DCLK1: variants seen among roughly 807,000 people sequenced by gnomAD.
The protein encoded by DCLK1 is serine/threonine-protein kinase DCLK1.
In DCLK1, 16 loss-of-function variants were observed where a neutral mutation model predicts 86.2. The ratio of observed to expected loss-of-function variants is 0.19; its 90% CI spans 0.13 to 0.28. The LOEUF (loss-of-function observed/expected upper bound fraction) is 0.28, where lower values mean the gene tolerates loss of function less well. DCLK1 is among the 10% of genes least tolerant of loss of function. The pLI is 1.00. For synonymous variants in DCLK1, 369 were observed against 370.5 expected (o/e 1.00, Z 0.05); for missense variants, 590 against 940.2 (o/e 0.63, Z 4.87).
At chr13:35,901,348 G>A (rs1045608404) in intron 4 of DCLK1, among the ~76,000 whole-genome samples, 3 of 151,908 alleles carry the variant, frequency 2.0e-5, no homozygotes, top group African/African-American at 7.3e-5. Flanking sequence ...AAATTAGCTG[G>A]GTATGGTGGC....
At chr13:36,023,292 G>A (rs1387860048) in intron 3 of DCLK1, among the ~76,000 whole-genome samples, 2 of 152,186 alleles carry the variant, frequency 1.3e-5, no homozygotes, top group Admixed American at 6.5e-5. Context: ...GGGCTGGCAG[G>A]CAGAGACCCT....
intron 3 of DCLK1, among the ~76,000 whole-genome samples, chr13:36,067,426 G>A (rs1333769091): frequency 9.5e-6 from 1 of 105,118 alleles, no homozygotes; most frequent in African/African-American, 3.6e-5. Flanking sequence ...GGGGAGGGGG[G>A]AGGGATAGCA....
intron 3 of DCLK1, among the ~76,000 whole-genome samples, chr13:36,015,077 G>A (rs140737477): frequency 4.6e-5 from 7 of 151,666 alleles, no homozygotes; most frequent in Non-Finnish European, 5.9e-5. Context: ...CATCTGCTCC[G>A]TGGGAGCAGT....
At position 35,774,342 on chromosome 13, in the gene DCLK1, T is replaced by A; in HGVS notation, c.*193A>T. ...GGACTCTATTAGCAGCAAATTACCA[T>A]CTTCACAATCACCACGTGTCATCTT... On this transcript the variant is annotated 3_prime_UTR_variant, in exon 17 of 17. Coordinates refer to ENST00000360631, the MANE Select transcript of DCLK1 (RefSeq NM_001330071.2). 1.3e-6 allele frequency: 1 copy of A among 744,874 alleles called. No individual in the cohort carries two copies. Among genetic ancestry groups the A allele is most frequent in the East Asian group, 2.8e-5 (1 of 35,710 alleles). 46.1% of individuals were successfully genotyped at this position (744,874 alleles called of 1,614,324 possible). A position where few individuals can be genotyped will look rare whatever the true frequency, so the allele number is the denominator to read the frequency against.
At chr13:35,957,276 G>A (rs1401234616) in intron 3 of DCLK1, among the ~76,000 whole-genome samples, 1 of 152,166 alleles carries the variant, frequency 6.6e-6, no homozygotes, top group Non-Finnish European at 1.5e-5. Context: ...CATAAAATCT[G>A]TGTCAGGCAA....
chr13:36,101,507 G>T (rs1885217309), intron 3 of DCLK1, among the ~76,000 whole-genome samples: 1 of 152,162 alleles, frequency 6.6e-6, no homozygotes, highest in African/African-American at 2.4e-5. Flanking sequence ...AACAGCCGGG[G>T]TTCGCCGTCT....
intron 3 of DCLK1, among the ~76,000 whole-genome samples, chr13:36,044,237 T>A (rs748543175): frequency 6.6e-6 from 1 of 152,244 alleles, no homozygotes; most frequent in Non-Finnish European, 1.5e-5. Flanking sequence ...GCTGCTGCCA[T>A]GCCTCTTGTA....
chr13:36,060,715 C>T (rs1883512201), intron 3 of DCLK1, among the ~76,000 whole-genome samples: 1 of 152,042 alleles, frequency 6.6e-6, no homozygotes, highest in African/African-American at 2.4e-5. Context: ...TGGTTAAAAA[C>T]CAGACTGCAA....
At chr13:36,038,891 C>T (rs1404146507) in intron 3 of DCLK1, among the ~76,000 whole-genome samples, 1 of 152,154 alleles carries the variant, frequency 6.6e-6, no homozygotes, top group Non-Finnish European at 1.5e-5. Flanking sequence ...TGAAGTTTCT[C>T]TAATTCCACA....
At chr13:35,937,270 G>C (rs1231462094) in intron 4 of DCLK1, among the ~76,000 whole-genome samples, 3 of 152,060 alleles carry the variant, frequency 2.0e-5, no homozygotes, top group African/African-American at 7.2e-5. Flanking sequence ...ACCGCACCCG[G>C]TCCCAGAAAG....
chr13:36,017,442 C>T (rs1337680165), intron 3 of DCLK1, among the ~76,000 whole-genome samples: 1 of 152,170 alleles, frequency 6.6e-6, no homozygotes, highest in Non-Finnish European at 1.5e-5. Flanking sequence ...TAGTTTGATA[C>T]CCAACATTCT....
chr13:35,972,130 T>C (rs1275032917), intron 3 of DCLK1, among the ~76,000 whole-genome samples: 1 of 152,208 alleles, frequency 6.6e-6, no homozygotes. Flanking sequence ...AGCACCAGCA[T>C]ACCTCCAACT....
chr13:36,119,338 A>G (rs7336076), intron 2 of DCLK1, among the ~76,000 whole-genome samples: 1 of 151,804 alleles, frequency 6.6e-6, no homozygotes, highest in Non-Finnish European at 1.5e-5. Flanking sequence ...AGAAATTTGG[A>G]AAGTAAAGAG....
intron 15 of DCLK1, among the ~76,000 whole-genome samples, chr13:35,799,323 C>T (rs536676748): frequency 4.3e-4 from 66 of 152,222 alleles, no homozygotes; most frequent in African/African-American, 1.5e-3. Context: ...ACGATCTTGG[C>T]TCACCGCAAC....
chr13:35,917,006 T>G (rs1272482215), intron 4 of DCLK1, among the ~76,000 whole-genome samples: 1 of 152,152 alleles, frequency 6.6e-6, no homozygotes, highest in Non-Finnish European at 1.5e-5. Context: ...ATAGCATCAT[T>G]ATCGCTGAAG....
intron 4 of DCLK1, among the ~76,000 whole-genome samples, chr13:35,927,740 AC>A (rs1876204371): frequency 6.6e-6 from 1 of 152,174 alleles, no homozygotes; most frequent in East Asian, 1.9e-4. Context: ...GGCCAATCAC[AC>A]CAGAAAGGTC....
chr13:36,004,554 C>T (rs541092760), intron 3 of DCLK1, among the ~76,000 whole-genome samples: 2 of 152,236 alleles, frequency 1.3e-5, no homozygotes, highest in South Asian at 2.1e-4. Context: ...CAGTGAGGCA[C>T]AAAATTGCTC....
At chr13:35,810,152 A>G (rs2087113041) in intron 12 of DCLK1, among the ~76,000 whole-genome samples, 1 of 152,126 alleles carries the variant, frequency 6.6e-6, no homozygotes, top group South Asian at 2.1e-4. Context: ...AACCACTAAA[A>G]CTAATCATGA....
At chr13:36,029,306 C>T (rs1882172987) in intron 3 of DCLK1, among the ~76,000 whole-genome samples, 1 of 152,152 alleles carries the variant, frequency 6.6e-6, no homozygotes, top group African/African-American at 2.4e-5. Flanking sequence ...TAACATGAGT[C>T]ATAGTGACAT....
Sources: gnomAD v4.1 joint callset for allele counts (sites outside exome capture counted in the v4.1 genomes callset) on GRCh38, gnomAD v4.1.1 for gene constraint, MANE v1.5 for transcripts, NCBI Gene and HGNC (gene_info 2026-07-23, HGNC 2026-07-21) for gene names.